The following INPP4A variants were observed in gnomAD, a reference collection of about 807,000 sequenced individuals.
INPP4A encodes inositol polyphosphate-4-phosphatase type I A.
In INPP4A, 33 loss-of-function variants were observed where a neutral mutation model predicts 119.8. The ratio of observed to expected loss-of-function variants is 0.28; its 90% CI spans 0.21 to 0.37. The LOEUF (loss-of-function observed/expected upper bound fraction) is 0.37, where lower values mean the gene tolerates loss of function less well. Ranked by LOEUF, INPP4A falls within the 10% of genes least tolerant of loss-of-function variation. The pLI, the probability that INPP4A is intolerant of heterozygous loss-of-function variation, is 1.00. For synonymous variants in INPP4A, 496 were observed against 500.7 expected (o/e 0.99, Z 0.12); for missense variants, 956 against 1,289.9 (o/e 0.74, Z 3.97).
At chr2:98,451,164 T>C (rs1203021032) in intron 1 of INPP4A, among the ~76,000 whole-genome samples, 2 of 152,228 alleles carry the variant, frequency 1.3e-5, no homozygotes, top group East Asian at 3.9e-4. Flanking sequence ...GCACATACCT[T>C]TGTCATGCCC....
At chr2:98,537,784 G>C in intron 7 of INPP4A, 79 bp from the exon 8 acceptor site, 2 of 1,116,708 alleles carry the variant, frequency 1.8e-6, no homozygotes, top group South Asian at 1.3e-5. Context: ...TGATGACCCA[G>C]TACGGCTAGG....
chr2:98,461,601 G>T (rs1487944944), intron 1 of INPP4A, among the ~76,000 whole-genome samples: 6 of 152,228 alleles, frequency 3.9e-5, no homozygotes, highest in Admixed American at 3.3e-4. Flanking sequence ...CAGGATATGT[G>T]GTAAAGCCTG....
At chr2:98,541,918 A>G (rs918460253) in intron 10 of INPP4A, among the ~76,000 whole-genome samples, 4 of 152,196 alleles carry the variant, frequency 2.6e-5, no homozygotes, top group African/African-American at 7.2e-5. Context: ...GCTTTAGTTC[A>G]AGGGTTTTGT....
At chr2:98,579,775 A>G (rs1354268791) in intron 24 of INPP4A, among the ~76,000 whole-genome samples, 1 of 152,196 alleles carries the variant, frequency 6.6e-6, no homozygotes, top group African/African-American at 2.4e-5. Context: ...CCTGCCTCCA[A>G]TCATGGATGC....
chr2:98,555,845 A>C, intron 16 of INPP4A, 37 bp downstream of exon 16: 1 of 1,524,976 alleles, frequency 6.6e-7, no homozygotes, highest in Admixed American at 2.0e-5. Context: ...TGCTGCCTCC[A>C]TTTCACCTTG....
At chr2:98,573,773 C>T (rs765000591) in intron 23 of INPP4A, among the ~76,000 whole-genome samples, 3 of 152,210 alleles carry the variant, frequency 2.0e-5, no homozygotes, top group African/African-American at 2.4e-5. Flanking sequence ...TGGTGCATGG[C>T]CGCCACTTCG....
chr2:98,476,659 C>A (rs1220626299), intron 1 of INPP4A, among the ~76,000 whole-genome samples: 9 of 152,136 alleles, frequency 5.9e-5, no homozygotes, highest in Non-Finnish European at 1.2e-4. Context: ...GCGTGTCCAG[C>A]AGGGCCCACC....
rs1323257616 is a variant in INPP4A, at chr2:98,568,483, A to G, written c.2421-88A>G. The G allele has an allele frequency of 9.4e-5, 64 of 677,708 alleles. 1 individual carries two copies. In the South Asian group the frequency reaches 1.0e-3, roughly 11 times the overall value. The allele number at this position is 677,708 out of a possible 1,614,324, so 42.0% of individuals were successfully genotyped here. Reference sequence around the variant, plus strand: ...ATATGCATAGTAAATGTTTGAGAGAATCAGCATAGTTAGCTTCCATGCAGT... The same window carrying G: ...ATATGCATAGTAAATGTTTGAGAGAGTCAGCATAGTTAGCTTCCATGCAGT... On this transcript the variant is annotated intron_variant, in intron 21 of 24. Transcript: ENST00000409851.
intron 1 of INPP4A, among the ~76,000 whole-genome samples, chr2:98,491,664 C>T (rs991284792): frequency 3.9e-5 from 6 of 152,178 alleles, no homozygotes; most frequent in Admixed American, 2.6e-4. Flanking sequence ...GAGTCATGTT[C>T]ATTTTCGTCC....
Position 98,460,838 on chromosome 2 carries a change from A to G in INPP4A, c.-166+15753A>G, listed in dbSNP as rs78236228. 7.5e-3 allele frequency among the ~76,000 whole-genome samples: 1,145 copies of G among 152,154 alleles called. 6 individuals carry two copies. The highest frequency in any genetic ancestry group is 0.013 in the Non-Finnish European group (857 of 67,986). On this transcript the variant is annotated intron_variant, in intron 1 of 24. Coordinates refer to ENST00000409851, the MANE Select transcript of INPP4A (RefSeq NM_001134225.2). ...TTATCTGTGAAATGACAGAAATGAAACCCAGCATTGGAGAAGAATCGTCTG... is the reference window on the plus strand; with the variant it reads ...TTATCTGTGAAATGACAGAAATGAAGCCCAGCATTGGAGAAGAATCGTCTG...
At chr2:98,494,205 G>A (rs993643826) in intron 1 of INPP4A, among the ~76,000 whole-genome samples, 1 of 152,168 alleles carries the variant, frequency 6.6e-6, no homozygotes, top group Non-Finnish European at 1.5e-5. Flanking sequence ...ATCTCCCCAG[G>A]AGGGCAGGCT....
In INPP4A at chr2:98,587,326, A is replaced by G. The variant is rs1477701939; in HGVS notation, c.2787-150A>G. ...CTTGTTCAGAAACCTGCCATCTTAC[A>G]TATGTATTTGTTGTAAATGAGTCCG... On this transcript the variant is annotated intron_variant, in intron 24 of 24. Transcript: ENST00000409851. The G allele has an allele frequency of 4.4e-5, 33 of 754,802 alleles. 1 individual carries two copies. The highest frequency in any genetic ancestry group is 4.0e-4 in the East Asian group (13 of 32,496). The allele number at this position is 754,802 out of a possible 1,614,324, so 46.8% of individuals were successfully genotyped here. A position where few individuals can be genotyped will look rare whatever the true frequency, so the allele number is the denominator to read the frequency against.
At chr2:98,521,472 A>C (rs1010625237) in intron 4 of INPP4A, 1 of 152,272 alleles carries the variant, frequency 6.6e-6, no homozygotes, top group Non-Finnish European at 1.5e-5. Context: ...TGACCATGCC[A>C]GGCTAACCAC....
At chr2:98,565,500 G>A (rs1048414603) in intron 19 of INPP4A, 140 bp from the exon 20 acceptor site, 3 of 787,882 alleles carry the variant, frequency 3.8e-6, no homozygotes, top group Non-Finnish European at 3.8e-6. Context: ...AGGGGAAGAG[G>A]CTCAGAGACT....
intron 23 of INPP4A, 73 bp from the exon 24 acceptor site, chr2:98,576,916 T>C: frequency 6.5e-7 from 1 of 1,537,462 alleles, no homozygotes; most frequent in Non-Finnish European, 8.8e-7. Context: ...GTTGGGAGCC[T>C]TTCCTGTGTG....
chr2:98,524,287 G>A (rs1687791063), intron 4 of INPP4A, among the ~76,000 whole-genome samples: 1 of 152,146 alleles, frequency 6.6e-6, no homozygotes, highest in Non-Finnish European at 1.5e-5. Context: ...GATTACAGAC[G>A]ATCAGGTTGG....
intron 1 of INPP4A, among the ~76,000 whole-genome samples, chr2:98,494,120 G>T (rs112543990): frequency 0.017 from 2,621 of 152,300 alleles, 69 homozygotes; most frequent in African/African-American, 0.057. Flanking sequence ...GCCCAGCTCA[G>T]CATGAGAGAA....
chr2:98,481,676 G>C (rs1426932953), intron 1 of INPP4A, among the ~76,000 whole-genome samples: 1 of 152,172 alleles, frequency 6.6e-6, no homozygotes, highest in African/African-American at 2.4e-5. Flanking sequence ...GAGCAAGCAG[G>C]CTTTGTACCA....
chr2:98,543,259 A>T (rs1691841641), intron 10 of INPP4A, among the ~76,000 whole-genome samples: 1 of 152,194 alleles, frequency 6.6e-6, no homozygotes, highest in African/African-American at 2.4e-5. Flanking sequence ...TTGTGACTGC[A>T]GCAGGATCTG....
Sources: gnomAD v4.1 joint callset for allele counts (sites outside exome capture counted in the v4.1 genomes callset) on GRCh38, gnomAD v4.1.1 for gene constraint, MANE v1.5 for transcripts, NCBI Gene and HGNC (gene_info 2026-07-23, HGNC 2026-07-21) for gene names.